Variants in ZMAT4 observed in about 807,000 individuals in gnomAD.
ZMAT4 encodes the protein zinc finger matrin-type protein 4.
ZMAT4 carries 17 observed loss-of-function variants against 28.7 expected under a neutral mutation model. The observed-to-expected ratio is 0.59, with a 90% confidence interval of 0.41 to 0.89. ZMAT4 has a LOEUF of 0.89. ZMAT4 is among the 40% of genes least tolerant of loss of function. The pLI is 0.00. For missense variants in ZMAT4, 240 were observed against 283.8 expected (o/e 0.85, Z 1.11); for synonymous variants, 117 against 109.2 (o/e 1.07, Z -0.44).
chr8:40,849,686 G>A (rs974564518), intron 1 of ZMAT4, among the ~76,000 whole-genome samples: 2 of 152,258 alleles, frequency 1.3e-5, no homozygotes, highest in East Asian at 1.9e-4. Context: ...CACCAAGACG[G>A]GAGAGAGGGA....
intron 5 of ZMAT4, among the ~76,000 whole-genome samples, chr8:40,629,011 T>C (rs1433431463): frequency 3.3e-5 from 5 of 151,168 alleles, no homozygotes; most frequent in Admixed American, 6.6e-5. Flanking sequence ...TCTTTTCTTT[T>C]TTTTTTTTTA....
rs578109844 is a variant in ZMAT4, at chr8:40,895,561, G to T, written c.-5+2122C>A. Among the ~76,000 whole-genome samples the T allele has an allele frequency of 5.3e-5, 8 of 152,278 alleles. No individual in the cohort carries two copies. The East Asian group carries it at 1.4e-3, about 26-fold the overall frequency. ...TACAAGAAAGAGGATTGAGGAGGAG[G>T]CAGAGGGAAGGAAAGCGAGCGCTCC... On this transcript the variant is annotated intron_variant, in intron 1 of 6. Transcript: ENST00000297737.
At position 40,531,242 on chromosome 8, in the gene ZMAT4, G is replaced by A. The variant is rs1802684951; in HGVS notation, c.*981C>T. The A allele has an allele frequency of 6.6e-6, 1 of 152,144 alleles. No homozygotes were observed. Among genetic ancestry groups the A allele is most frequent in the Non-Finnish European group, 1.5e-5 (1 of 68,028 alleles). The allele number at this position is 152,144 out of a possible 1,614,324, so 9.4% of individuals were successfully genotyped here. A position where few individuals can be genotyped will look rare whatever the true frequency, so the allele number is the denominator to read the frequency against. On this transcript the variant is annotated 3_prime_UTR_variant, in exon 7 of 7. Transcript: ENST00000297737. ...CGGTCATGCTCTTTCCAGAGTGACTGAGTCTTGGCTCAGCAGTAGGACTTC... is the reference window on the plus strand; with the variant it reads ...CGGTCATGCTCTTTCCAGAGTGACTAAGTCTTGGCTCAGCAGTAGGACTTC...
At chr8:40,533,684 A>T (rs943169117) in intron 6 of ZMAT4, among the ~76,000 whole-genome samples, 2 of 152,252 alleles carry the variant, frequency 1.3e-5, no homozygotes, top group African/African-American at 4.8e-5. Flanking sequence ...TATAATGTAG[A>T]CTAAAAAAAT....
intron 2 of ZMAT4, among the ~76,000 whole-genome samples, chr8:40,824,093 T>C (rs548957780): frequency 1.0e-3 from 156 of 152,296 alleles, no homozygotes; most frequent in African/African-American, 3.6e-3. Context: ...TGTGTTATTA[T>C]AGTTATTTTT....
At chr8:40,547,429 G>T (rs1803239026) in intron 6 of ZMAT4, among the ~76,000 whole-genome samples, 1 of 152,196 alleles carries the variant, frequency 6.6e-6, no homozygotes, top group Admixed American at 6.5e-5. Flanking sequence ...TGGAAATGAA[G>T]GAAGCCACAG....
At chr8:40,891,805 C>T (rs189567235) in intron 1 of ZMAT4, among the ~76,000 whole-genome samples, 5 of 152,326 alleles carry the variant, frequency 3.3e-5, no homozygotes, top group South Asian at 2.1e-4. Flanking sequence ...CACTCACTGC[C>T]GACCCTGAGC....
intron 5 of ZMAT4, among the ~76,000 whole-genome samples, chr8:40,601,294 C>A (rs1434205321): frequency 1.3e-5 from 2 of 150,370 alleles, no homozygotes; most frequent in Non-Finnish European, 2.9e-5. Context: ...GGTACTAATA[C>A]CCATCAAAAT....
At chr8:40,794,599 C>T (rs1312030090) in intron 2 of ZMAT4, among the ~76,000 whole-genome samples, 1 of 152,176 alleles carries the variant, frequency 6.6e-6, no homozygotes, top group Admixed American at 6.5e-5. Flanking sequence ...AGCCCAACAG[C>T]AGAGCACGTG....
chr8:40,604,358 G>C (rs1805507668), intron 5 of ZMAT4, among the ~76,000 whole-genome samples: 1 of 152,122 alleles, frequency 6.6e-6, no homozygotes, highest in Non-Finnish European at 1.5e-5. Context: ...CTGTGGGTTT[G>C]TCATGGACAA....
rs533856686 is a variant in ZMAT4, at chr8:40,824,340, G to A, written c.102+1235C>T. 3.9e-4 allele frequency among the ~76,000 whole-genome samples: 60 copies of A among 152,358 alleles called. No individual in the cohort carries two copies. The South Asian group carries it at 0.012, about 29-fold the overall frequency. On this transcript the variant is annotated intron_variant, in intron 2 of 6. Transcript: ENST00000297737. ...TGTGCCTGTAGTCCCAGCTGCTCAG[G>A]AGGCTGAGGTGGGAGGATCGCTTGA...
rs77602423 is a variant in ZMAT4 at position 40,612,302 on chromosome 8, G to C, written c.578-31041C>G. 1.7e-3 allele frequency among the ~76,000 whole-genome samples: 159 copies of C among 91,970 alleles called. 15 individuals carry two copies. The highest frequency in any genetic ancestry group is 3.7e-3 in the African/African-American group (125 of 33,614). The allele number at this position is 91,970 out of a possible 152,430, so 60.3% of individuals were successfully genotyped here. A position where few individuals can be genotyped will look rare whatever the true frequency, so the allele number is the denominator to read the frequency against. ...CTCTGGGGCAATAGTACAGACCCCAGGACCATTTTGTGTGTCAATACAAAT... is the reference window on the plus strand; with the variant it reads ...CTCTGGGGCAATAGTACAGACCCCACGACCATTTTGTGTGTCAATACAAAT... On this transcript the variant is annotated intron_variant, in intron 5 of 6. Transcript: ENST00000297737.
chr8:40,721,950 C>T (rs1339398702), intron 3 of ZMAT4, among the ~76,000 whole-genome samples: 1 of 151,778 alleles, frequency 6.6e-6, no homozygotes, highest in Non-Finnish European at 1.5e-5. Flanking sequence ...ATAAATTGTG[C>T]TGGGAAAACT....
At chr8:40,616,310 T>C (rs897958583) in intron 5 of ZMAT4, among the ~76,000 whole-genome samples, 17 of 152,178 alleles carry the variant, frequency 1.1e-4, no homozygotes, top group Non-Finnish European at 2.2e-4. Flanking sequence ...AGTTCAACCA[T>C]TGTGGAAGAG....
intron 4 of ZMAT4, among the ~76,000 whole-genome samples, chr8:40,678,924 A>T (rs1158470086): frequency 6.6e-6 from 1 of 152,202 alleles, no homozygotes; most frequent in Admixed American, 6.5e-5. Flanking sequence ...CTGCTGTCCT[A>T]TCTCCATATA....
At chr8:40,781,799 A>T (rs942583268) in intron 2 of ZMAT4, among the ~76,000 whole-genome samples, 1 of 148,190 alleles carries the variant, frequency 6.7e-6, no homozygotes, top group African/African-American at 2.5e-5. Flanking sequence ...AAAGAAAAGA[A>T]TCCATAAATA....
At chr8:40,824,332 C>T (rs571292641) in intron 2 of ZMAT4, among the ~76,000 whole-genome samples, 1 of 152,336 alleles carries the variant, frequency 6.6e-6, no homozygotes, top group East Asian at 1.9e-4. Flanking sequence ...GTAGTCCCAG[C>T]TGCTCAGGAG....
chr8:40,603,704 C>T (rs1805480100), intron 5 of ZMAT4, among the ~76,000 whole-genome samples: 1 of 152,170 alleles, frequency 6.6e-6, no homozygotes, highest in East Asian at 1.9e-4. Context: ...TCTTGGCTCA[C>T]TGCTAGCTCC....
chr8:40,654,372 C>T (rs1297101521), intron 5 of ZMAT4, among the ~76,000 whole-genome samples: 1 of 152,106 alleles, frequency 6.6e-6, no homozygotes, highest in African/African-American at 2.4e-5. Flanking sequence ...TGCATACAAG[C>T]CTATCAAAGC....
Sources: allele counts gnomAD v4.1 joint callset (sites outside exome capture counted in the v4.1 genomes callset), GRCh38; gene constraint gnomAD v4.1.1; transcripts MANE v1.5; gene names NCBI Gene and HGNC (gene_info 2026-07-23, HGNC 2026-07-21).